Variants in TNNT1 observed in about 807,000 individuals in gnomAD.
TNNT1 encodes the protein troponin T1, slow skeletal type.
TNNT1 carries 53 observed loss-of-function variants against 50.6 expected under a neutral mutation model. That is an observed-to-expected ratio of 1.05 (90% CI 0.84 to 1.32). The LOEUF (loss-of-function observed/expected upper bound fraction) is 1.32, where lower values mean the gene tolerates loss of function less well. TNNT1 is among the 40% of genes most tolerant of loss of function. The pLI, the probability that TNNT1 is intolerant of heterozygous loss-of-function variation, is 0.00. For missense variants in TNNT1, 348 were observed against 381.7 expected (o/e 0.91, Z 0.74); for synonymous variants, 142 against 138.0 (o/e 1.03, Z -0.20).
chr19:55,146,832 G>A, intron 3 of TNNT1, 125 bp from the exon 4 acceptor site: 1 of 1,170,878 alleles, frequency 8.5e-7, no homozygotes, highest in Non-Finnish European at 1.2e-6. Flanking sequence ...CGATGGGCAC[G>A]TTCCCCCTGG....
chr19:55,142,672 C>A (rs1324910355), intron 6 of TNNT1, among the ~76,000 whole-genome samples: 1 of 151,534 alleles, frequency 6.6e-6, no homozygotes, highest in Non-Finnish European at 1.5e-5. Context: ...CTCAGCTTCC[C>A]GAGTAGTTGG....
chr19:55,139,852 G>A (rs1021038988), intron 9 of TNNT1, among the ~76,000 whole-genome samples: 8 of 152,000 alleles, frequency 5.3e-5, no homozygotes, highest in Admixed American at 2.0e-4. Flanking sequence ...GGCCAGGCAT[G>A]GTGGCTCATG....
At chr19:55,145,298 G>A (rs529133871) in intron 6 of TNNT1, 57 of 556,760 alleles carry the variant, frequency 1.0e-4, no homozygotes, top group Non-Finnish European at 1.4e-4. Context: ...CTATGACCAC[G>A]ATGAAGAAGA....
chr19:55,137,085 GC>G lies in TNNT1; in HGVS notation c.611+17del. 1 of 1,338,568 alleles carries G rather than the reference GC, an allele frequency of 7.5e-7. No homozygotes were observed. Among genetic ancestry groups the G allele is most frequent in the Non-Finnish European group, 1.1e-6 (1 of 942,304 alleles). 82.9% of individuals were successfully genotyped at this position (1,338,568 alleles called of 1,614,324 possible). A position where few individuals can be genotyped will look rare whatever the true frequency, so the allele number is the denominator to read the frequency against. ...TCACACCCAGGCCCCTACACCCCGA[GC>G]CCCCCACAGCACCTACCGGAGCTGT... On this transcript the variant is annotated intron_variant, in intron 11 of 13. Coordinates refer to ENST00000588981, the MANE Select transcript of TNNT1 (RefSeq NM_003283.6).
At chr19:55,133,859 A>G (rs752297579) in intron 13 of TNNT1, 28 bp downstream of exon 13, 83 of 1,613,530 alleles carry the variant, frequency 5.1e-5, no homozygotes, top group Non-Finnish European at 7.0e-5. Flanking sequence ...TAGGGACAAG[A>G]GCAAGGGCTT....
chr19:55,146,575 CCGGGAGCCGAGGCCGT>C lies in TNNT1; in HGVS notation c.73+90_73+105del, dbSNP rs1439625016. 540 of 1,205,596 alleles carry C rather than the reference CCGGGAGCCGAGGCCGT, an allele frequency of 4.5e-4. 1 individual carries two copies. Among genetic ancestry groups the C allele is most frequent in the Middle Eastern group, 8.9e-4 (3 of 3,366 alleles). The allele number at this position is 1,205,596 out of a possible 1,614,324, so 74.7% of individuals were successfully genotyped here. ...AGAGACGTGAGAGGCTGTTAGAGGA[CCGGGAGCCGAGGCCGT>C]CGGGAGCCCCATCCCGCCCCCTCCT... On this transcript the variant is annotated intron_variant, in intron 4 of 13. Transcript: ENST00000588981.
rs1282226777 is a variant in TNNT1, at chr19:55,134,194, C to G, written c.622G>C (p.Ala208Pro). 1 of 1,575,344 alleles carries G rather than the reference C, an allele frequency of 6.3e-7. No homozygotes were observed. Residue 208 changes from alanine (A) to proline (P), a missense_variant, in exon 12 of 14, where the codon GCC (alanine) becomes CCC (proline). This residue lies in a region of TNNT1 where 253 missense variants were observed against 291.8 expected (regional missense o/e 0.87). Transcript: ENST00000588981. Reference protein sequence around the residue: ...MGEEQLRARSAWLPPSQPSCP... With the variant: ...MGEEQLRARSPWLPPSQPSCP... ...GAGGGCTGTGATGGAGGCAGCCAGG[C>G]AGACCGGGCCCTAGGCCCAGGGACG...
Position 55,146,479 on chromosome 19 carries a change from G to A in TNNT1, c.74-13C>T. 1 of 1,367,568 alleles carries A rather than the reference G, an allele frequency of 7.3e-7. No individual in the cohort carries two copies. The highest frequency in any genetic ancestry group is 9.5e-7 in the Non-Finnish European group (1 of 1,052,448). 84.7% of individuals were successfully genotyped at this position (1,367,568 alleles called of 1,614,324 possible). On this transcript the variant is annotated splice_polypyrimidine_tract_variant and intron_variant, in intron 4 of 13. Coordinates refer to ENST00000588981, the MANE Select transcript of TNNT1 (RefSeq NM_003283.6). Reference sequence around the variant, plus strand: ...GGCTCTTCGGGGGCTGGGGAGGGGAGGGAGGAGCAGCGAGGGTTTGGGGAG... The same window carrying A: ...GGCTCTTCGGGGGCTGGGGAGGGGAAGGAGGAGCAGCGAGGGTTTGGGGAG...
At position 55,147,016 on chromosome 19, in the gene TNNT1, T is replaced by G. The variant is rs753763453; in HGVS notation, c.38A>C (p.Gln13Pro). 6.2e-7 allele frequency: 1 copy of G among 1,611,234 alleles called. No individual in the cohort carries two copies. The highest frequency in any genetic ancestry group is 8.5e-7 in the Non-Finnish European group (1 of 1,179,002). ...DTEEQEYEEE[Q>P]PEEEAAEEEE... ...GCCCACTCCCTACTCACCTTCCGGC[T>G]GCTCCCTGCGGACGGGTGTGGGGAG... is the stretch of plus-strand genomic sequence containing the variant. Residue 13 changes from glutamine (Q) to proline (P), a missense_variant, in exon 3 of 14, where the codon CAG (glutamine) becomes CCG (proline). By Grantham distance (76) the Gln-to-Pro change is moderately conservative (BLOSUM62 -1). Around this residue, in one of 3 missense-constraint regions of TNNT1, gnomAD observed 90 missense variants for 70.8 expected, o/e 1.27. Transcript: ENST00000588981.
intron 9 of TNNT1, 74 bp from the exon 10 acceptor site, chr19:55,138,148 T>G: frequency 1.2e-6 from 2 of 1,610,956 alleles, no homozygotes; most frequent in Admixed American, 3.4e-5. Context: ...GATGTGGAAC[T>G]GGGGCACAGG....
intron 5 of TNNT1, among the ~76,000 whole-genome samples, 159 bp from the exon 6 acceptor site, chr19:55,145,724 GAA>G (rs939093217): frequency 7.9e-5 from 12 of 152,040 alleles, no homozygotes; most frequent in African/African-American, 2.7e-4. Context: ...ATGGGGAGAA[GAA>G]AAGAGGGAAG....
At chr19:55,145,110 A>G (rs191419691) in intron 6 of TNNT1, among the ~76,000 whole-genome samples, 1 of 149,664 alleles carries the variant, frequency 6.7e-6, no homozygotes, top group African/African-American at 2.5e-5. Flanking sequence ...CCTAAGCAAC[A>G]TAGCAAGACC....
intron 9 of TNNT1, 48 bp downstream of exon 9, chr19:55,140,835 C>A (rs374672179): frequency 9.6e-6 from 14 of 1,453,790 alleles, no homozygotes; most frequent in African/African-American, 2.8e-5. Flanking sequence ...AATGGGCATC[C>A]GGCTGAAGAA....
intron 11 of TNNT1, among the ~76,000 whole-genome samples, chr19:55,135,916 C>T (rs1021483457): frequency 4.6e-5 from 7 of 152,198 alleles, no homozygotes; most frequent in African/African-American, 1.7e-4. Context: ...CATCCTTTCC[C>T]GTCTCCACAC....
At chr19:55,142,763 G>C (rs1010606054) in intron 6 of TNNT1, among the ~76,000 whole-genome samples, 1 of 151,274 alleles carries the variant, frequency 6.6e-6, no homozygotes, top group African/African-American at 2.4e-5. Flanking sequence ...GGCCAAGCTG[G>C]TCTTGAACTC....
At chr19:55,148,526 A>G (rs2085622686) in intron 1 of TNNT1, among the ~76,000 whole-genome samples, 1 of 151,826 alleles carries the variant, frequency 6.6e-6, no homozygotes, top group Non-Finnish European at 1.5e-5. Flanking sequence ...GCAAGTCCTC[A>G]CAGCTCTGGA....
chr19:55,148,696 T>C (rs1599901173), intron 1 of TNNT1, among the ~76,000 whole-genome samples: 1 of 151,980 alleles, frequency 6.6e-6, no homozygotes, highest in African/African-American at 2.4e-5. Flanking sequence ...CCCCAGATAA[T>C]GGCACTCTAA....
chr19:55,143,083 C>T lies in TNNT1; in HGVS notation c.129-1163G>A, dbSNP rs542205058. On this transcript the variant is annotated intron_variant, in intron 6 of 13. Coordinates refer to ENST00000588981, the MANE Select transcript of TNNT1 (RefSeq NM_003283.6). Reference sequence around the variant, plus strand: ...ACTCAGGAGGCTGAGGCAGGAGAATCGCTTGAACCCCGGAGGCAGAGATTG... The same window carrying T: ...ACTCAGGAGGCTGAGGCAGGAGAATTGCTTGAACCCCGGAGGCAGAGATTG... Among the ~76,000 whole-genome samples, 311 of 151,586 alleles carry T rather than the reference C, an allele frequency of 2.1e-3. 2 individuals are homozygous for T. Among genetic ancestry groups the T allele is most frequent in the African/African-American group, 7.1e-3 (293 of 41,304 alleles).
chr19:55,145,983 CCCCACCG>C (rs1568848075), intron 5 of TNNT1, among the ~76,000 whole-genome samples: 2 of 108,554 alleles, frequency 1.8e-5, no homozygotes, highest in Non-Finnish European at 3.7e-5. Flanking sequence ...CTGCCCACCG[CCCCACCG>C]CCCCCCCGCC....
Sources: gnomAD v4.1 joint callset for allele counts (sites outside exome capture counted in the v4.1 genomes callset) on GRCh38, gnomAD v4.1.1 for gene constraint, gnomAD v4.1.1 regional missense constraint, MANE v1.5 for transcripts, NCBI Gene and HGNC (gene_info 2026-07-23, HGNC 2026-07-21) for gene names.